The following LHFPL3 variants were observed in gnomAD, a reference collection of about 807,000 sequenced individuals.
LHFPL3 encodes LHFPL tetraspan subfamily member 3, also known as LHFPL tetraspan subfamily member 3 protein.
A neutral mutation model predicts 19.3 loss-of-function variants in LHFPL3; 5 were observed. That is an observed-to-expected ratio of 0.26 (90% CI 0.14 to 0.54). LHFPL3 has a LOEUF of 0.54. LHFPL3 is among the 20% of genes least tolerant of loss of function. The pLI is 0.94. For missense variants in LHFPL3, 249 were observed against 307.4 expected (o/e 0.81, Z 1.42); for synonymous variants, 133 against 126.2 (o/e 1.05, Z -0.36).
intron 1 of LHFPL3, among the ~76,000 whole-genome samples, chr7:104,652,309 C>T (rs969141108): frequency 2.0e-5 from 3 of 152,046 alleles, no homozygotes; most frequent in Admixed American, 1.3e-4. Context: ...CATTGAAGGG[C>T]CAGTGGGGGA....
chr7:104,555,837 A>G (rs1562933225), intron 1 of LHFPL3, among the ~76,000 whole-genome samples: 1 of 152,214 alleles, frequency 6.6e-6, no homozygotes, highest in Non-Finnish European at 1.5e-5. Flanking sequence ...AATCAAAACC[A>G]AGTTAGTTAC....
intron 1 of LHFPL3, among the ~76,000 whole-genome samples, chr7:104,501,165 G>C (rs184749303): frequency 1.3e-4 from 20 of 152,314 alleles, no homozygotes; most frequent in East Asian, 1.9e-4. Flanking sequence ...GGAACAAGCT[G>C]TATAGTTTGG....
intron 1 of LHFPL3, among the ~76,000 whole-genome samples, chr7:104,457,871 G>A (rs6951611): frequency 0.53 from 70,325 of 133,776 alleles, 19,228 homozygotes; most frequent in Non-Finnish European, 0.61. Flanking sequence ...GCCAGTGATG[G>A]TGAGCATTTT....
intron 1 of LHFPL3, among the ~76,000 whole-genome samples, chr7:104,382,846 T>A (rs1790855933): frequency 6.6e-6 from 1 of 152,216 alleles, no homozygotes; most frequent in Non-Finnish European, 1.5e-5. Context: ...ACCTGCTGTA[T>A]GATTAGTCAG....
chr7:104,559,111 T>C (rs1382643639), intron 1 of LHFPL3, among the ~76,000 whole-genome samples: 5 of 145,776 alleles, frequency 3.4e-5, no homozygotes, highest in Non-Finnish European at 6.0e-5. Flanking sequence ...AGTCAGGTAG[T>C]GTGATGCCTC....
intron 2 of LHFPL3, among the ~76,000 whole-genome samples, chr7:104,793,875 T>G (rs1029026988): frequency 6.6e-6 from 1 of 152,180 alleles, no homozygotes; most frequent in African/African-American, 2.4e-5. Flanking sequence ...GCGAACTGGT[T>G]TAGGGATTTT....
chr7:104,859,146 A>G (rs1164932093), intron 2 of LHFPL3, among the ~76,000 whole-genome samples: 3 of 151,918 alleles, frequency 2.0e-5, no homozygotes, highest in African/African-American at 7.3e-5. Context: ...AGGTGCCTGT[A>G]ATCCCAGCTA....
chr7:104,522,990 G>A (rs1490203383), intron 1 of LHFPL3, among the ~76,000 whole-genome samples: 1 of 146,460 alleles, frequency 6.8e-6, no homozygotes, highest in African/African-American at 2.5e-5. Flanking sequence ...GTGTGTGTGT[G>A]TATGCACACA....
At chr7:104,715,381 A>C (rs75245072) in intron 1 of LHFPL3, among the ~76,000 whole-genome samples, 30,253 of 152,150 alleles carry the variant, frequency 0.2, 3,512 homozygotes, top group East Asian at 0.56. Context: ...TACTTTGAAC[A>C]ATTTTTTTTA....
chr7:104,658,033 C>T (rs780204840), intron 1 of LHFPL3, among the ~76,000 whole-genome samples: 7 of 152,144 alleles, frequency 4.6e-5, no homozygotes, highest in Non-Finnish European at 7.4e-5. Flanking sequence ...AGGGCCATTA[C>T]ATTAAATCAT....
intron 1 of LHFPL3, among the ~76,000 whole-genome samples, chr7:104,702,057 T>C (rs545452139): frequency 4.0e-5 from 6 of 151,846 alleles, no homozygotes; most frequent in Non-Finnish European, 7.4e-5. Flanking sequence ...CCCCAGTGTG[T>C]GATGTTCCCC....
chr7:104,869,373 T>G (rs1266275517), intron 2 of LHFPL3, among the ~76,000 whole-genome samples: 2 of 152,070 alleles, frequency 1.3e-5, no homozygotes, highest in Non-Finnish European at 2.9e-5. Flanking sequence ...GAATCTACAA[T>G]GAACTCCAAC....
intron 1 of LHFPL3, among the ~76,000 whole-genome samples, chr7:104,722,119 G>A (rs1292954986): frequency 6.6e-6 from 1 of 152,060 alleles, no homozygotes; most frequent in Admixed American, 6.6e-5. Context: ...ATTTCAATAT[G>A]TTGCCTTTTG....
intron 1 of LHFPL3, among the ~76,000 whole-genome samples, chr7:104,430,405 CATATATATATATACATAT>C (rs1189699695): frequency 4.5e-4 from 10 of 22,454 alleles, no homozygotes; most frequent in East Asian, 3.8e-3. Flanking sequence ...TATATATATA[CATATATATATATACATAT>C]ATATATATAT....
chr7:104,546,246 AATTTG>A (rs1416946945), intron 1 of LHFPL3, among the ~76,000 whole-genome samples: 5 of 152,186 alleles, frequency 3.3e-5, no homozygotes, highest in Admixed American at 2.6e-4. Context: ...ACAACCATAG[AATTTG>A]ATTTAATACC....
intron 1 of LHFPL3, among the ~76,000 whole-genome samples, chr7:104,585,058 G>C (rs1790538279): frequency 6.6e-6 from 1 of 152,102 alleles, no homozygotes; most frequent in African/African-American, 2.4e-5. Flanking sequence ...GTGGCCCTCT[G>C]CCATGATTGG....
At chr7:104,683,729 A>G (rs146354563) in intron 1 of LHFPL3, among the ~76,000 whole-genome samples, 287 of 152,342 alleles carry the variant, frequency 1.9e-3, no homozygotes, top group Middle Eastern at 3.4e-3. Flanking sequence ...GTGAACATCA[A>G]TAGTATCACC....
At chr7:104,591,668 C>A (rs576985681) in intron 1 of LHFPL3, among the ~76,000 whole-genome samples, 1 of 152,266 alleles carries the variant, frequency 6.6e-6, no homozygotes, top group African/African-American at 2.4e-5. Context: ...GCCTGCCTTG[C>A]TAGGTTGGGG....
chr7:104,466,063 G>A (rs1488255396), intron 1 of LHFPL3, among the ~76,000 whole-genome samples: 6 of 152,166 alleles, frequency 3.9e-5, no homozygotes, highest in Admixed American at 1.3e-4. Context: ...GGAGAGTTCT[G>A]TAGAGGTCTA....
Sources: gnomAD v4.1 joint callset for allele counts (sites outside exome capture counted in the v4.1 genomes callset) on GRCh38, gnomAD v4.1.1 for gene constraint, MANE v1.5 for transcripts, NCBI Gene and HGNC (gene_info 2026-07-23, HGNC 2026-07-21) for gene names.